Variants in SYNE3 observed in about 807,000 individuals in gnomAD.
SYNE3 encodes nesprin-3.
SYNE3 carries 100 observed loss-of-function variants against 111.2 expected under a neutral mutation model. The observed-to-expected ratio is 0.90, with a 90% CI of 0.77 to 1.06. SYNE3 has a LOEUF of 1.06. Among genes scored for constraint, SYNE3 ranks in the 50% least tolerant of loss-of-function variants. The probability of loss-of-function intolerance (pLI) is 0.00; values close to 1 mark genes in which losing one functional copy is unlikely to be tolerated. For missense variants in SYNE3, 1,160 were observed against 1,240.3 expected (o/e 0.94, Z 0.97); for synonymous variants, 547 against 533.9 (o/e 1.02, Z -0.34).
intron 15 of SYNE3, among the ~76,000 whole-genome samples, chr14:95,433,993 C>T (rs1885939749): frequency 6.6e-6 from 1 of 151,948 alleles, no homozygotes; most frequent in Non-Finnish European, 1.5e-5. Context: ...TCAGAGCCCA[C>T]AGGAATGTAT....
chr14:95,457,217 T>C lies in SYNE3; in HGVS notation c.749A>G (p.Asn250Ser). The C allele has an allele frequency of 6.2e-7, 1 of 1,614,100 alleles. No individual in the cohort carries two copies. Among genetic ancestry groups the C allele is most frequent in the East Asian group, 2.2e-5 (1 of 44,874 alleles). ...VEKVNGCLGR[N>S]CKLPITQRLS... ...GCGCTGCGTGATGGGCAGCTTGCAG[T>C]TCCGCCCCAGGCAGCCATTCACCTT... is the stretch of plus-strand genomic sequence containing the variant. Residue 250 changes from asparagine (N) to serine (S), a missense_variant, in exon 5 of 18, where the codon AAC (asparagine) becomes AGC (serine). By Grantham distance (46) the Asn-to-Ser change is conservative. Transcript: ENST00000682763.
At position 95,499,856 on chromosome 14, in the gene SYNE3, C is replaced by CTTTTTTTTTTTTTTTTTTTTTTTTTTTTT. The variant is rs10547044; in HGVS notation, c.-15+16739_-15+16740insAAAAAAAAAAAAAAAAAAAAAAAAAAAAA. Among the ~76,000 whole-genome samples the CTTTTTTTTTTTTTTTTTTTTTTTTTTTTT allele has an allele frequency of 7.8e-5, 7 of 90,070 alleles. 1 individual carries two copies. Among genetic ancestry groups the CTTTTTTTTTTTTTTTTTTTTTTTTTTTTT allele is most frequent in the African/African-American group, 2.3e-4 (5 of 21,278 alleles). 59.1% of individuals were successfully genotyped at this position (90,070 alleles called of 152,430 possible). A position where few individuals can be genotyped will look rare whatever the true frequency, so the allele number is the denominator to read the frequency against. On this transcript the variant is annotated intron_variant, in intron 1 of 17. Transcript: ENST00000682763. ...AATCCCCTGTATCACTAACTCTTGT[C>CTTTTTTTTTTTTTTTTTTTTTTTTTTTTT]TTTTTTTTTTTTTTTTTTTTGAGAT...
Position 95,410,636 on chromosome 14 carries a change from C to T in SYNE3, c.*7190G>A, listed in dbSNP as rs1903409145. ...GAAGGACAGTTGCAAAGCCTTGGCTCTGACATCCATAACCTGAGGAGACGA... is the reference window on the plus strand; with the variant it reads ...GAAGGACAGTTGCAAAGCCTTGGCTTTGACATCCATAACCTGAGGAGACGA... On this transcript the variant is annotated 3_prime_UTR_variant, in exon 18 of 18. Transcript: ENST00000682763. The T allele has an allele frequency of 6.6e-6, 1 of 152,228 alleles. No individual in the cohort carries two copies. The highest frequency in any genetic ancestry group is 2.4e-5 in the African/African-American group (1 of 41,456). 9.4% of individuals were successfully genotyped at this position (152,228 alleles called of 1,614,324 possible).
At chr14:95,454,835 A>G (rs1467699307) in intron 6 of SYNE3, among the ~76,000 whole-genome samples, 1 of 152,086 alleles carries the variant, frequency 6.6e-6, no homozygotes, top group African/African-American at 2.4e-5. Context: ...CTCTTTATCC[A>G]CAAGTCAAGC....
intron 4 of SYNE3, 86 bp from the exon 5 acceptor site, chr14:95,457,424 GT>G: frequency 7.7e-7 from 1 of 1,304,594 alleles, no homozygotes; most frequent in African/African-American, 2.5e-5. Flanking sequence ...GCCTGGGTGT[GT>G]GTGTGTGTGT....
chr14:95,471,914 C>T (rs1191462715), intron 2 of SYNE3, among the ~76,000 whole-genome samples: 1 of 152,196 alleles, frequency 6.6e-6, no homozygotes, highest in Non-Finnish European at 1.5e-5. Flanking sequence ...TCAGGGTTTT[C>T]CCTCAACCCA....
At chr14:95,467,668 A>C in intron 3 of SYNE3, 127 bp downstream of exon 3, 1 of 1,195,128 alleles carries the variant, frequency 8.4e-7, no homozygotes, top group Non-Finnish European at 1.2e-6. Context: ...CCTAATCCCA[A>C]GAGAATATCC....
rs370622207 is a variant in SYNE3 at position 95,420,427 on chromosome 14, A to G, written c.2728-2401T>C. 6.0e-4 allele frequency among the ~76,000 whole-genome samples: 92 copies of G among 152,352 alleles called. 1 individual carries two copies. In the South Asian group the frequency reaches 0.017, roughly 28 times the overall value. ...GTTCTCCCAAATGGAGGGTCTGCTT[A>G]CAAGTGTCCTTTTTTATTTGCCCCT... On this transcript the variant is annotated intron_variant, in intron 17 of 17. Transcript: ENST00000682763.
chr14:95,454,295 G>A (rs1193332854), intron 6 of SYNE3, among the ~76,000 whole-genome samples: 3 of 152,246 alleles, frequency 2.0e-5, no homozygotes, highest in African/African-American at 2.4e-5. Flanking sequence ...ATATGACCTT[G>A]AGTCAGATTG....
At chr14:95,449,610 CT>C in intron 8 of SYNE3, 2 of 985,472 alleles carry the variant, frequency 2.0e-6, no homozygotes, top group Non-Finnish European at 1.2e-6. Flanking sequence ...TTTCTTGCCA[CT>C]TGGAGCTGCA....
At chr14:95,462,686 C>T (rs1435326552) in intron 4 of SYNE3, among the ~76,000 whole-genome samples, 1 of 152,216 alleles carries the variant, frequency 6.6e-6, no homozygotes, top group Non-Finnish European at 1.5e-5. Context: ...CTTTCACTGT[C>T]CCAGCCTGAC....
At position 95,417,580 on chromosome 14, in the gene SYNE3, C is replaced by T. The variant is rs959614158; in HGVS notation, c.*246G>A. ...ATTATACATACTGAGCATTTACATA[C>T]AGATCATATAAAAATTCTAGACATT... On this transcript the variant is annotated 3_prime_UTR_variant, in exon 18 of 18. Coordinates refer to ENST00000682763, the MANE Select transcript of SYNE3 (RefSeq NM_152592.6). 1.4e-5 allele frequency: 8 copies of T among 562,404 alleles called. No individual in the cohort carries two copies. The highest frequency in any genetic ancestry group is 2.6e-5 in the Non-Finnish European group (8 of 313,218). 34.8% of individuals were successfully genotyped at this position (562,404 alleles called of 1,614,324 possible).
chr14:95,417,570 C>A lies in SYNE3; in HGVS notation c.*256G>T. The A allele has an allele frequency of 1.9e-6, 1 of 538,510 alleles. No homozygotes were observed. Among genetic ancestry groups the A allele is most frequent in the Non-Finnish European group, 3.3e-6 (1 of 298,944 alleles). 33.4% of individuals were successfully genotyped at this position (538,510 alleles called of 1,614,324 possible). A position where few individuals can be genotyped will look rare whatever the true frequency, so the allele number is the denominator to read the frequency against. On this transcript the variant is annotated 3_prime_UTR_variant, in exon 18 of 18. Transcript: ENST00000682763. ...CGTATATGAAATTATACATACTGAGCATTTACATACAGATCATATAAAAAT... is the reference window on the plus strand; with the variant it reads ...CGTATATGAAATTATACATACTGAGAATTTACATACAGATCATATAAAAAT...
chr14:95,433,959 A>G (rs930639364), intron 15 of SYNE3, among the ~76,000 whole-genome samples: 2 of 152,140 alleles, frequency 1.3e-5, no homozygotes, highest in Admixed American at 6.6e-5. Context: ...CTAGCATGTA[A>G]TATGGGACAC....
At chr14:95,492,355 C>A (rs1439576539) in intron 1 of SYNE3, among the ~76,000 whole-genome samples, 1 of 152,214 alleles carries the variant, frequency 6.6e-6, no homozygotes, top group Non-Finnish European at 1.5e-5. Flanking sequence ...AAAGTGGGAG[C>A]AACCCAAATG....
Position 95,417,791 on chromosome 14 carries a change from G to T in SYNE3, c.*35C>A, listed in dbSNP as rs1287135089. ...AGGAGGGGCCCTGGGACTGATGGAG[G>T]TTGGAGGAGAAAGTCACCTGTGTGC... is the stretch of plus-strand genomic sequence containing the variant. On this transcript the variant is annotated 3_prime_UTR_variant, in exon 18 of 18. Transcript: ENST00000682763. 1 of 1,610,412 alleles carries T rather than the reference G, an allele frequency of 6.2e-7. No homozygotes were observed. The highest frequency in any genetic ancestry group is 2.2e-5 in the East Asian group (1 of 44,880).
chr14:95,450,055 C>T lies in SYNE3; in HGVS notation c.1325G>A (p.Trp442Ter). 1.3e-6 allele frequency: 2 copies of T among 1,568,414 alleles called. No homozygotes were observed. The highest frequency in any genetic ancestry group is 1.7e-6 in the Non-Finnish European group (2 of 1,156,612). ...CTGCAGAGGCCGCTGGAAATGCTGC[C>T]ACAGCTCCACCGCCGCGGCATTGCG... ...RLRNAAAVEL[W>*]QHFQRPLQDL... is the part of the protein sequence containing the mutation. Residue 442 changes from tryptophan to a stop codon, truncating the protein, a stop_gained, in exon 8 of 18, where the codon TGG becomes TAG. Coordinates refer to ENST00000682763, the MANE Select transcript of SYNE3 (RefSeq NM_152592.6). LOFTEE classifies it high-confidence loss of function.
At chr14:95,464,108 C>T (rs1046982697) in intron 4 of SYNE3, among the ~76,000 whole-genome samples, 3 of 152,218 alleles carry the variant, frequency 2.0e-5, no homozygotes, top group African/African-American at 7.2e-5. Flanking sequence ...GAGCTTATTT[C>T]CCTTAAACTG....
At chr14:95,477,989 C>G (rs900274774) in intron 1 of SYNE3, among the ~76,000 whole-genome samples, 3 of 152,120 alleles carry the variant, frequency 2.0e-5, no homozygotes, top group African/African-American at 7.2e-5. Flanking sequence ...AAGCGTGGCT[C>G]TAATCATCAA....
Sources: gnomAD v4.1 joint callset for allele counts (sites outside exome capture counted in the v4.1 genomes callset) on GRCh38, gnomAD v4.1.1 for gene constraint, MANE v1.5 for transcripts, NCBI Gene and HGNC (gene_info 2026-07-23, HGNC 2026-07-21) for gene names.